ZP2: variants seen among roughly 807,000 people sequenced by gnomAD.
ZP2 encodes zona pellucida glycoprotein 2.
A neutral mutation model predicts 84.0 loss-of-function variants in ZP2; 51 were observed. The observed-to-expected ratio is 0.61, with a 90% CI of 0.49 to 0.77. The LOEUF is 0.77. Ranked by LOEUF, ZP2 falls within the 30% of genes least tolerant of loss-of-function variation. The pLI, the probability that ZP2 is intolerant of heterozygous loss-of-function variation, is 0.00. For missense variants in ZP2, 909 were observed against 911.9 expected (o/e 1.00, Z 0.04); for synonymous variants, 375 against 330.9 (o/e 1.13, Z -1.45).
chr16:21,198,917 T>G (rs1443047476), intron 16 of ZP2, 55 bp from the exon 17 acceptor site: 1 of 1,464,944 alleles, frequency 6.8e-7, no homozygotes, highest in Non-Finnish European at 9.5e-7. Flanking sequence ...GTTCGAGAGG[T>G]GTGTCAATGG....
intron 7 of ZP2, among the ~76,000 whole-genome samples, chr16:21,204,685 G>A (rs1222669403): frequency 6.6e-6 from 1 of 152,186 alleles, no homozygotes; most frequent in East Asian, 1.9e-4. Flanking sequence ...AGTATCAGCA[G>A]CCAGACAATG....
At chr16:21,211,856 A>C, upstream of ZP2, 2 of 1,184,362 alleles carry the variant, frequency 1.7e-6, no homozygotes, top group Non-Finnish European at 1.1e-6. Flanking sequence ...CAAATTATTT[A>C]CAACTGCAAT....
intron 12 of ZP2, 42 bp downstream of exon 12, chr16:21,201,890 T>C (rs757792297): frequency 6.2e-7 from 1 of 1,612,940 alleles, no homozygotes; most frequent in Non-Finnish European, 8.5e-7. Flanking sequence ...ATTGCTTGAG[T>C]TTAAACTAGA....
At chr16:21,205,021 C>T (rs1427108824) in intron 7 of ZP2, among the ~76,000 whole-genome samples, 8 of 152,182 alleles carry the variant, frequency 5.3e-5, no homozygotes, top group Non-Finnish European at 8.8e-5. Flanking sequence ...CTCGCTCTGT[C>T]GCCCAGGCTG....
rs753090238 is a variant in ZP2 at position 21,199,819 on chromosome 16, G to C, written c.1754C>G (p.Thr585Ser). 6.2e-7 allele frequency: 1 copy of C among 1,613,762 alleles called. No homozygotes were observed. The highest frequency in any genetic ancestry group is 1.1e-5 in the South Asian group (1 of 91,048). ...TTFHPVGSSVTHPDHYQRFDM... is the reference protein window; with the variant it reads ...TTFHPVGSSVSHPDHYQRFDM... Reference sequence around the variant, plus strand: ...AAACCTCTGATAGTGATCAGGATGGGTCACAGAGGAGCCGACTGGATGGAA... The same window carrying C: ...AAACCTCTGATAGTGATCAGGATGGCTCACAGAGGAGCCGACTGGATGGAA... Residue 585 changes from threonine to serine, a missense_variant, in exon 15 of 19, where the codon ACC (threonine) becomes AGC (serine). Thr to Ser is a moderately conservative substitution (Grantham distance 58). Transcript: ENST00000574091.
intron 14 of ZP2, among the ~76,000 whole-genome samples, chr16:21,201,014 C>A (rs555026818): frequency 1.3e-5 from 2 of 152,252 alleles, no homozygotes; most frequent in Admixed American, 1.3e-4. Context: ...GCCTGGCCAA[C>A]ATGGCAAAAC....
chr16:21,199,150 G>A (rs915812490), intron 16 of ZP2, among the ~76,000 whole-genome samples: 1 of 151,340 alleles, frequency 6.6e-6, no homozygotes, highest in Admixed American at 6.6e-5. Flanking sequence ...GTGAAACCCT[G>A]TCTCTACTAA....
At chr16:21,209,172 C>G (rs954367633) in intron 4 of ZP2, among the ~76,000 whole-genome samples, 2 of 152,078 alleles carry the variant, frequency 1.3e-5, no homozygotes, top group African/African-American at 4.8e-5. Context: ...GGACAGATTC[C>G]CCCCACCCTC....
At position 21,197,512 on chromosome 16, in the gene ZP2, G is replaced by T; in HGVS notation, c.2206C>A (p.Leu736Met). Reference protein sequence around the residue: ...VVATLGFIYYLYEKRTVSNH With the variant: ...VVATLGFIYYMYEKRTVSNH ...TTTGACACAGTCCTTTTCTCGTACA[G>T]GTAGTAGATGAAGCCTAGAGTTGCC... is the stretch of plus-strand genomic sequence containing the variant. The change falls in exon 19 of 19, where the codon CTG becomes ATG. Residue 736 changes from leucine to methionine, a missense_variant. Leu to Met is a conservative substitution (Grantham distance 15). Transcript: ENST00000574091. 6.2e-7 allele frequency: 1 copy of T among 1,614,176 alleles called. No individual in the cohort carries two copies. The highest frequency in any genetic ancestry group is 8.5e-7 in the Non-Finnish European group (1 of 1,180,028).
chr16:21,201,981 G>A lies in ZP2; in HGVS notation c.1330C>T (p.Leu444Phe). ...TTGCTTGGAGGAAAATCCGTCCAGAGAGCATGTATTTCGTTTTCATAGACG... is the reference window on the plus strand; with the variant it reads ...TTGCTTGGAGGAAAATCCGTCCAGAAAGCATGTATTTCGTTTTCATAGACG... ...KVVYENEIHA[L>F]WTDFPPSKIS... The change falls in exon 12 of 19, where the codon CTC becomes TTC. Residue 444 changes from leucine (L) to phenylalanine (F), a missense_variant. By Grantham distance (22) the Leu-to-Phe change is conservative (BLOSUM62 0). Transcript: ENST00000574091. The A allele has an allele frequency of 1.9e-6, 3 of 1,614,074 alleles. No homozygotes were observed. The highest frequency in any genetic ancestry group is 2.5e-6 in the Non-Finnish European group (3 of 1,179,980).
intron 14 of ZP2, among the ~76,000 whole-genome samples, chr16:21,200,589 A>G (rs1487605816): frequency 6.6e-6 from 1 of 152,218 alleles, no homozygotes; most frequent in Non-Finnish European, 1.5e-5. Context: ...TTGAACACCT[A>G]TGTGTACAAG....
At chr16:21,207,635 AACACACACACACACACACACACACACAC>A (rs10530241) in intron 4 of ZP2, among the ~76,000 whole-genome samples, 4 of 143,752 alleles carry the variant, frequency 2.8e-5, no homozygotes, top group Non-Finnish European at 4.5e-5. Flanking sequence ...ATATATATTA[AACACACACACACACACACACACACACAC>A]ACACACACAC....
chr16:21,206,765 G>A (rs551463937), intron 5 of ZP2, 73 bp downstream of exon 5: 180 of 1,581,648 alleles, frequency 1.1e-4, no homozygotes, highest in South Asian at 4.7e-4. Context: ...TCTAAGCCCC[G>A]CCCTGGTTAG....
chr16:21,212,486 G>C (rs1362586734), upstream of ZP2, among the ~76,000 whole-genome samples: 1 of 152,172 alleles, frequency 6.6e-6, no homozygotes, highest in Admixed American at 6.5e-5. Context: ...AAAACACTGG[G>C]AGGAAAGTTT....
At chr16:21,208,904 A>T (rs1157082778) in intron 4 of ZP2, among the ~76,000 whole-genome samples, 1 of 152,280 alleles carries the variant, frequency 6.6e-6, no homozygotes, top group East Asian at 1.9e-4. Flanking sequence ...AACAGGCTTG[A>T]AAGGGCTCAC....
At chr16:21,207,901 A>T (rs1259285889) in intron 4 of ZP2, among the ~76,000 whole-genome samples, 1 of 152,076 alleles carries the variant, frequency 6.6e-6, no homozygotes, top group Non-Finnish European at 1.5e-5. Context: ...AAACCAAACC[A>T]AAACAAAAAC....
chr16:21,203,086 GA>G, intron 10 of ZP2, 38 bp downstream of exon 10: 1 of 1,602,584 alleles, frequency 6.2e-7, no homozygotes, highest in Non-Finnish European at 8.5e-7. Flanking sequence ...AGCCAAGGGA[GA>G]AAAAAGGTAG....
intron 5 of ZP2, among the ~76,000 whole-genome samples, chr16:21,206,599 C>G (rs1336216520): frequency 6.6e-6 from 1 of 152,102 alleles, no homozygotes; most frequent in African/African-American, 2.4e-5. Context: ...CATGATGTGC[C>G]AAGTACCATG....
intron 5 of ZP2, among the ~76,000 whole-genome samples, chr16:21,206,536 A>G (rs2093250474): frequency 6.6e-6 from 1 of 152,050 alleles, no homozygotes; most frequent in Admixed American, 6.6e-5. Context: ...CATGTATTCC[A>G]TTTGTCAGAT....
Sources: gnomAD v4.1 joint callset for allele counts (sites outside exome capture counted in the v4.1 genomes callset) on GRCh38, gnomAD v4.1.1 for gene constraint, MANE v1.5 for transcripts, NCBI Gene and HGNC (gene_info 2026-07-23, HGNC 2026-07-21) for gene names.